ERBB4: variants seen among roughly 807,000 people sequenced by gnomAD.
ERBB4 encodes the protein erb-b2 receptor tyrosine kinase 4, also known as receptor tyrosine-protein kinase erbB-4.
A neutral mutation model predicts 158.0 loss-of-function variants in ERBB4; 42 were observed. The observed-to-expected ratio is 0.27, with a 90% CI of 0.21 to 0.34. ERBB4 has a LOEUF of 0.34. Among genes scored for constraint, ERBB4 ranks in the 10% least tolerant of loss-of-function variants. The probability of loss-of-function intolerance (pLI) is 1.00; values close to 1 mark genes in which losing one functional copy is unlikely to be tolerated. For missense variants in ERBB4, 1,333 were observed against 1,624.1 expected (o/e 0.82, Z 3.08); for synonymous variants, 583 against 558.7 (o/e 1.04, Z -0.61).
intron 3 of ERBB4, among the ~76,000 whole-genome samples, chr2:211,850,969 CAA>C (rs1360702666): frequency 6.6e-6 from 1 of 151,936 alleles, no homozygotes; most frequent in Non-Finnish European, 1.5e-5. Flanking sequence ...CAATTTGACT[CAA>C]AGTTGTTTTG....
intron 2 of ERBB4, among the ~76,000 whole-genome samples, chr2:211,976,016 C>A (rs1416142460): frequency 6.6e-6 from 1 of 152,002 alleles, no homozygotes; most frequent in Non-Finnish European, 1.5e-5. Context: ...CTTAATAATG[C>A]AAACCATTAT....
intron 1 of ERBB4, among the ~76,000 whole-genome samples, chr2:212,477,383 G>A (rs546976241): frequency 3.3e-5 from 5 of 152,182 alleles, no homozygotes; most frequent in East Asian, 1.9e-4. Flanking sequence ...GAAAGGAACC[G>A]TTACAATTAA....
intron 1 of ERBB4, among the ~76,000 whole-genome samples, chr2:212,378,746 A>G (rs1357757650): frequency 2.0e-5 from 3 of 151,828 alleles, no homozygotes; most frequent in Non-Finnish European, 4.4e-5. Flanking sequence ...ATTTATACTA[A>G]CACATGGTCT....
In ERBB4 at chr2:211,861,126, A is replaced by T. The variant is rs1170520497; in HGVS notation, c.422-72967T>A. Reference sequence around the variant, plus strand: ...TTATATATATTTATATATATATTTTATATATATATATATATATATATATAT... The same window carrying T: ...TTATATATATTTATATATATATTTTTTATATATATATATATATATATATAT... On this transcript the variant is annotated intron_variant, in intron 3 of 27. Coordinates refer to ENST00000342788, the MANE Select transcript of ERBB4 (RefSeq NM_005235.3). Among the ~76,000 whole-genome samples the T allele has an allele frequency of 9.1e-4, 19 of 20,884 alleles. 4 individuals carry two copies. The highest frequency in any genetic ancestry group is 3.0e-3 in the African/African-American group (16 of 5,252). The allele number at this position is 20,884 out of a possible 152,430, so 13.7% of individuals were successfully genotyped here.
intron 20 of ERBB4, among the ~76,000 whole-genome samples, chr2:211,500,757 T>A (rs929959975): frequency 6.6e-6 from 1 of 152,054 alleles, no homozygotes; most frequent in African/African-American, 2.4e-5. Flanking sequence ...CTTCCACAAT[T>A]TTTTGAAAGC....
chr2:211,608,924 A>T (rs1030091423), intron 19 of ERBB4, among the ~76,000 whole-genome samples: 1 of 152,126 alleles, frequency 6.6e-6, no homozygotes, highest in Non-Finnish European at 1.5e-5. Context: ...CTCAATGTGG[A>T]ATCACTTTCT....
chr2:211,607,831 T>TTATGCAATA (rs1474459839), intron 19 of ERBB4, among the ~76,000 whole-genome samples: 2 of 151,944 alleles, frequency 1.3e-5, no homozygotes, highest in African/African-American at 4.8e-5. Flanking sequence ...ATTAAAACAT[T>TTATGCAATA]TATGCAATAT....
At chr2:211,983,940 T>C (rs1161102067) in intron 2 of ERBB4, among the ~76,000 whole-genome samples, 1 of 152,212 alleles carries the variant, frequency 6.6e-6, no homozygotes, top group South Asian at 2.1e-4. Flanking sequence ...TACATTATTA[T>C]AGTAAATGTC....
At chr2:211,395,280 A>T (rs2062887313) in intron 25 of ERBB4, among the ~76,000 whole-genome samples, 1 of 152,050 alleles carries the variant, frequency 6.6e-6, no homozygotes, top group African/African-American at 2.4e-5. Flanking sequence ...AATTTTTTGA[A>T]ATAAAGTTTT....
intron 1 of ERBB4, among the ~76,000 whole-genome samples, chr2:212,493,790 A>T (rs1690413485): frequency 6.6e-6 from 1 of 151,682 alleles, no homozygotes; most frequent in Non-Finnish European, 1.5e-5. Context: ...ACAAAATGTG[A>T]TTTTAAGTAG....
chr2:212,184,068 C>G (rs1359550499), intron 1 of ERBB4, among the ~76,000 whole-genome samples: 1 of 152,026 alleles, frequency 6.6e-6, no homozygotes, highest in Non-Finnish European at 1.5e-5. Context: ...TGCTTTTCTC[C>G]TGCCTTAGGT....
At chr2:212,160,668 G>C (rs2081177190) in intron 1 of ERBB4, among the ~76,000 whole-genome samples, 1 of 151,996 alleles carries the variant, frequency 6.6e-6, no homozygotes, top group South Asian at 2.1e-4. Context: ...AAATTCTACT[G>C]AAAATTCATG....
chr2:211,990,431 C>T (rs1421807046), intron 2 of ERBB4, among the ~76,000 whole-genome samples: 2 of 151,782 alleles, frequency 1.3e-5, no homozygotes, highest in African/African-American at 2.4e-5. Flanking sequence ...AATAACTGTA[C>T]ATTTGTCACA....
At chr2:211,467,164 A>T (rs1229869057) in intron 20 of ERBB4, among the ~76,000 whole-genome samples, 1 of 152,094 alleles carries the variant, frequency 6.6e-6, no homozygotes, top group African/African-American at 2.4e-5. Context: ...GGTTTCATTG[A>T]TAGTAACGTA....
intron 3 of ERBB4, among the ~76,000 whole-genome samples, chr2:211,877,241 G>T (rs563285405): frequency 2.0e-5 from 3 of 152,280 alleles, no homozygotes; most frequent in Admixed American, 2.0e-4. Context: ...AGCCTTATTG[G>T]ACTATGGCAG....
chr2:212,046,714 C>T (rs747201627), intron 2 of ERBB4, among the ~76,000 whole-genome samples: 4 of 152,034 alleles, frequency 2.6e-5, no homozygotes, highest in Non-Finnish European at 4.4e-5. Flanking sequence ...ATTTGGGGGC[C>T]GTGGCACAAA....
chr2:211,971,181 T>C (rs1168923032), intron 2 of ERBB4, among the ~76,000 whole-genome samples: 1 of 152,192 alleles, frequency 6.6e-6, no homozygotes, highest in African/African-American at 2.4e-5. Context: ...TTTCTTTTAT[T>C]TAAGAATGCT....
At chr2:211,977,296 T>G (rs2125219873) in intron 2 of ERBB4, among the ~76,000 whole-genome samples, 1 of 152,220 alleles carries the variant, frequency 6.6e-6, no homozygotes, top group East Asian at 1.9e-4. Context: ...AATATGTCCC[T>G]TTTTGGCTTG....
intron 4 of ERBB4, among the ~76,000 whole-genome samples, chr2:211,755,631 C>T (rs1383395581): frequency 1.3e-5 from 2 of 152,210 alleles, no homozygotes; most frequent in Admixed American, 6.5e-5. Context: ...AGCTGGCAAA[C>T]GTGACTAAGT....
Sources: allele counts gnomAD v4.1 joint callset (sites outside exome capture counted in the v4.1 genomes callset), GRCh38; gene constraint gnomAD v4.1.1; transcripts MANE v1.5; gene names NCBI Gene and HGNC (gene_info 2026-07-23, HGNC 2026-07-21).